GNB4: variants seen among roughly 807,000 people sequenced by gnomAD.
GNB4 encodes guanine nucleotide-binding protein subunit beta-4.
GNB4 carries 28 observed loss-of-function variants against 45.2 expected under a neutral mutation model. That is an observed-to-expected ratio of 0.62 (90% CI 0.46 to 0.85). The LOEUF (loss-of-function observed/expected upper bound fraction) is 0.85. Ranked by LOEUF, GNB4 falls within the 40% of genes least tolerant of loss-of-function variation. The pLI is 0.00. For synonymous variants in GNB4, 132 were observed against 143.7 expected (o/e 0.92, Z 0.58); for missense variants, 321 against 425.4 (o/e 0.75, Z 2.16).
At chr3:179,443,571 A>G (rs1325053864) in intron 1 of GNB4, among the ~76,000 whole-genome samples, 1 of 152,194 alleles carries the variant, frequency 6.6e-6, no homozygotes, top group African/African-American at 2.4e-5. Context: ...GTTACCAATA[A>G]GTAGAAATAG....
the GNB4 span, among the ~76,000 whole-genome samples, chr3:179,473,725 C>T: frequency 5.3e-5 from 8 of 152,216 alleles, 1 homozygote; most frequent in East Asian, 5.8e-4. Context: ...TCTAACTTCC[C>T]GTAGTTTACC....
intron 8 of GNB4, among the ~76,000 whole-genome samples, chr3:179,411,520 A>G (rs888365381): frequency 6.6e-6 from 1 of 151,522 alleles, no homozygotes; most frequent in Non-Finnish European, 1.5e-5. Flanking sequence ...TAAGTGGCTG[A>G]AAAAAAACCA....
chr3:179,446,359 G>A (rs1715726283), intron 1 of GNB4, among the ~76,000 whole-genome samples: 1 of 152,214 alleles, frequency 6.6e-6, no homozygotes, highest in Non-Finnish European at 1.5e-5. Context: ...TTGAGAGAAA[G>A]AGGTCTTTGA....
intron 8 of GNB4, 112 bp from the exon 9 acceptor site, chr3:179,405,518 G>A (rs1714443590): frequency 2.9e-6 from 2 of 682,988 alleles, no homozygotes; most frequent in African/African-American, 1.8e-5. Context: ...CCTACCAGGT[G>A]AGCGATGTTG....
chr3:179,404,159 G>A (rs1164266713), intron 9 of GNB4, among the ~76,000 whole-genome samples: 1 of 152,128 alleles, frequency 6.6e-6, no homozygotes, highest in Non-Finnish European at 1.5e-5. Context: ...CAAAAAAGCT[G>A]CATGGCAAAA....
the GNB4 span, among the ~76,000 whole-genome samples, chr3:179,466,455 G>A: frequency 6.6e-6 from 1 of 152,196 alleles, no homozygotes; most frequent in Non-Finnish European, 1.5e-5. Context: ...GAGGCAGAAA[G>A]AGAAAGAACA....
the GNB4 span, among the ~76,000 whole-genome samples, chr3:179,471,375 C>A: frequency 1.3e-5 from 2 of 152,126 alleles, no homozygotes; most frequent in East Asian, 3.8e-4. Context: ...TCCCGCAAGC[C>A]CCATTCATGG....
At chr3:179,509,381 C>A in the GNB4 span, among the ~76,000 whole-genome samples, 10 of 152,198 alleles carry the variant, frequency 6.6e-5, 1 homozygote, top group African/African-American at 2.4e-4. Context: ...ACGAAATAAA[C>A]TAGATATTCA....
chr3:179,527,790 A>ATG, the GNB4 span, among the ~76,000 whole-genome samples: 3,334 of 142,392 alleles, frequency 0.023, 43 homozygotes, highest in Middle Eastern at 0.075. Context: ...GTGTGTATGT[A>ATG]TGTGTGTGTG....
chr3:179,449,048 G>A (rs1715805690), intron 1 of GNB4, among the ~76,000 whole-genome samples: 1 of 152,186 alleles, frequency 6.6e-6, no homozygotes, highest in Non-Finnish European at 1.5e-5. Flanking sequence ...CAAATTGAAG[G>A]TGCAGGAGAG....
At chr3:179,488,069 C>T in the GNB4 span, among the ~76,000 whole-genome samples, 1 of 150,450 alleles carries the variant, frequency 6.6e-6, no homozygotes, top group Admixed American at 6.6e-5. Context: ...AAAAAATCCA[C>T]TTGCAGCTCA....
chr3:179,466,355 C>A, the GNB4 span, among the ~76,000 whole-genome samples: 10 of 152,262 alleles, frequency 6.6e-5, no homozygotes, highest in East Asian at 9.7e-4. Context: ...AAGCTAGGAG[C>A]TTAATCTGTA....
the GNB4 span, among the ~76,000 whole-genome samples, chr3:179,518,150 C>T: frequency 6.6e-6 from 1 of 152,156 alleles, no homozygotes; most frequent in African/African-American, 2.4e-5. Context: ...AAACTTAAAA[C>T]CTCTTTAACT....
chr3:179,418,484 A>AG (rs1002415244), intron 4 of GNB4, among the ~76,000 whole-genome samples: 8 of 142,954 alleles, frequency 5.6e-5, no homozygotes, highest in African/African-American at 2.0e-4. Context: ...AAAAAAAAAA[A>AG]AAAAGAAAAA....
the GNB4 span, among the ~76,000 whole-genome samples, chr3:179,457,713 G>C: frequency 1.3e-5 from 2 of 152,134 alleles, no homozygotes; most frequent in East Asian, 1.9e-4. Flanking sequence ...CAAAATGCTT[G>C]GTTCAACATT....
rs1003417660 is a variant in GNB4 at position 179,400,945 on chromosome 3, C to T, written c.*268G>A. 3.2e-6 allele frequency: 1 copy of T among 308,702 alleles called. No homozygotes were observed. The highest frequency in any genetic ancestry group is 5.5e-5 in the East Asian group (1 of 18,338). The allele number at this position is 308,702 out of a possible 1,614,324, so 19.1% of individuals were successfully genotyped here. On this transcript the variant is annotated 3_prime_UTR_variant, in exon 10 of 10. Coordinates refer to ENST00000232564, the MANE Select transcript of GNB4 (RefSeq NM_021629.4). ...CATTCTGTTCTACACAAAGAAAATACACTCTGAGTACACACAACAATTCAC... is the reference window on the plus strand; with the variant it reads ...CATTCTGTTCTACACAAAGAAAATATACTCTGAGTACACACAACAATTCAC...
the GNB4 span, among the ~76,000 whole-genome samples, chr3:179,513,189 A>ATTTT: frequency 3.5e-3 from 429 of 123,228 alleles, 13 homozygotes; most frequent in East Asian, 8.2e-3. Context: ...ATGTGCAGCA[A>ATTTT]TTTTTTTTTT....
intron 1 of GNB4, among the ~76,000 whole-genome samples, chr3:179,435,470 CAAAAAAAA>C (rs11389978): frequency 1.1e-4 from 11 of 96,062 alleles, no homozygotes; most frequent in African/African-American, 3.4e-4. Context: ...CTTTCTTTTA[CAAAAAAAA>C]AAAAAAAAAA....
chr3:179,414,896 G>A lies in GNB4; in HGVS notation c.419C>T (p.Pro140Leu), dbSNP rs1163938134. The A allele has an allele frequency of 6.3e-7, 1 of 1,584,574 alleles. No individual in the cohort carries two copies. The highest frequency in any genetic ancestry group is 1.2e-5 in the South Asian group (1 of 86,814). The change falls in exon 6 of 10, where the codon CCA becomes CTA. Residue 140 changes from proline to leucine, a missense_variant. By Grantham distance (98) the Pro-to-Leu change is moderately conservative (BLOSUM62 -3). Transcript: ENST00000232564. The stretch of plus-strand genomic sequence containing the variant: ...TTAGGGAAGCTCACCTGTGTGACCT[G>A]GCAACTCTCGGCTTACTCTCACATT... ...EGNVRVSREL[P>L]GHTGYLSCCR...
Sources: allele counts gnomAD v4.1 joint callset (sites outside exome capture counted in the v4.1 genomes callset), GRCh38; gene constraint gnomAD v4.1.1; transcripts MANE v1.5; gene names NCBI Gene and HGNC (gene_info 2026-07-23, HGNC 2026-07-21).